SERPINI2: variants seen among roughly 807,000 people sequenced by gnomAD.
SERPINI2 encodes serpin I2.
In SERPINI2, 48 loss-of-function variants were observed where a neutral mutation model predicts 47.3. The ratio of observed to expected loss-of-function variants is 1.02; its 90% CI spans 0.81 to 1.29. SERPINI2 has a LOEUF of 1.29. SERPINI2 is among the 50% of genes most tolerant of loss of function. The pLI is 0.00. For synonymous variants in SERPINI2, 135 were observed against 149.3 expected (o/e 0.90, Z 0.70); for missense variants, 448 against 456.9 (o/e 0.98, Z 0.18).
At chr3:167,461,102 C>A (rs1478383916) in intron 5 of SERPINI2, among the ~76,000 whole-genome samples, 1 of 151,966 alleles carries the variant, frequency 6.6e-6, no homozygotes, top group Non-Finnish European at 1.5e-5. Flanking sequence ...TCAAGGGAAA[C>A]CATGGAGGAT....
At chr3:167,453,084 T>C in intron 5 of SERPINI2, 51 bp from the exon 6 acceptor site, 1 of 1,006,812 alleles carries the variant, frequency 9.9e-7, no homozygotes, top group Non-Finnish European at 1.5e-6. Context: ...CTGCACATTT[T>C]TGCTACCAAT....
chr3:167,453,744 C>T (rs929272252), intron 5 of SERPINI2, among the ~76,000 whole-genome samples: 8 of 151,584 alleles, frequency 5.3e-5, no homozygotes, highest in African/African-American at 1.9e-4. Flanking sequence ...GCTCACCTGT[C>T]TGTGCCTTAA....
chr3:167,451,598 C>T (rs990885648), intron 6 of SERPINI2, among the ~76,000 whole-genome samples: 1 of 152,168 alleles, frequency 6.6e-6, no homozygotes, highest in Non-Finnish European at 1.5e-5. Flanking sequence ...ACAGAAGATG[C>T]TGGACATTTA....
At chr3:167,472,620 GA>G (rs1176432585) in intron 1 of SERPINI2, among the ~76,000 whole-genome samples, 1 of 151,486 alleles carries the variant, frequency 6.6e-6, no homozygotes, top group Non-Finnish European at 1.5e-5. Flanking sequence ...AATTATAAAA[GA>G]AAAAATATAA....
chr3:167,463,963 A>G (rs138568324), intron 5 of SERPINI2, among the ~76,000 whole-genome samples: 3 of 151,780 alleles, frequency 2.0e-5, no homozygotes, highest in South Asian at 4.2e-4. Context: ...TTGCTCCAAC[A>G]AAATCAACAG....
chr3:167,450,469 A>G lies in SERPINI2; in HGVS notation c.965-1067T>C, dbSNP rs143879951. On this transcript the variant is annotated intron_variant, in intron 6 of 8. Transcript: ENST00000264677. ...CTTGCAAGACAAGATAGATCTGACA[A>G]TGTTCCTCAGAGGACAAAGGAAGCA... is the stretch of plus-strand genomic sequence containing the variant. Among the ~76,000 whole-genome samples, 4 of 152,332 alleles carry G rather than the reference A, an allele frequency of 2.6e-5. No homozygotes were observed. In the East Asian group the frequency reaches 7.7e-4, roughly 29 times the overall value.
chr3:167,468,434 A>G (rs1453700164), intron 2 of SERPINI2, among the ~76,000 whole-genome samples: 1 of 151,996 alleles, frequency 6.6e-6, no homozygotes. Flanking sequence ...GGGCAGCTCC[A>G]TGGCCTCTCA....
intron 8 of SERPINI2, among the ~76,000 whole-genome samples, chr3:167,443,687 T>A (rs949395538): frequency 6.6e-6 from 1 of 152,164 alleles, no homozygotes; most frequent in African/African-American, 2.4e-5. Flanking sequence ...CACTAAGTTA[T>A]AATTGAGGAC....
intron 2 of SERPINI2, among the ~76,000 whole-genome samples, chr3:167,468,727 C>T (rs1035426691): frequency 1.3e-5 from 2 of 152,090 alleles, no homozygotes; most frequent in Non-Finnish European, 2.9e-5. Context: ...CTTATTTGTA[C>T]AATGATTTCA....
upstream of SERPINI2, among the ~76,000 whole-genome samples, chr3:167,476,372 A>G (rs916635301): frequency 1.3e-5 from 2 of 151,930 alleles, no homozygotes; most frequent in African/African-American, 4.8e-5. Context: ...AAATTATTAG[A>G]AACAGTTACC....
chr3:167,452,807 CTA>C lies in SERPINI2; in HGVS notation c.964+127_964+128del, dbSNP rs1245598210. 2.1e-5 allele frequency: 11 copies of C among 517,250 alleles called. No homozygotes were observed. The East Asian group carries it at 3.5e-4, about 17-fold the overall frequency. The allele number at this position is 517,250 out of a possible 1,614,324, so 32.0% of individuals were successfully genotyped here. A position where few individuals can be genotyped will look rare whatever the true frequency, so the allele number is the denominator to read the frequency against. ...CTTGTTTACAGACAGCTCAACATGA[CTA>C]TGACATTTATTCACTGTGCGTATAT... On this transcript the variant is annotated intron_variant, in intron 6 of 8. Transcript: ENST00000264677.
Position 167,467,288 on chromosome 3 carries a change from A to G in SERPINI2, c.248-3T>C. 2 of 1,596,580 alleles carry G rather than the reference A, an allele frequency of 1.3e-6. No homozygotes were observed. The highest frequency in any genetic ancestry group is 2.2e-5 in the South Asian group (2 of 90,134). The stretch of plus-strand genomic sequence containing the variant: ...CTTCAGTACAAAAAATTCTTCCCCT[A>G]GAAAATAATTTTAATGTATATTGGC... On this transcript the variant is annotated splice_polypyrimidine_tract_variant and splice_region_variant and intron_variant, in intron 2 of 8. Transcript: ENST00000264677.
At chr3:167,475,213 C>T (rs1750450966), upstream of SERPINI2, among the ~76,000 whole-genome samples, 3 of 151,746 alleles carry the variant, frequency 2.0e-5, no homozygotes, top group Admixed American at 2.0e-4. Flanking sequence ...TAACTTAACA[C>T]AGAGATAATT....
At chr3:167,444,906 A>G (rs868518271) in intron 8 of SERPINI2, among the ~76,000 whole-genome samples, 2 of 152,300 alleles carry the variant, frequency 1.3e-5, no homozygotes, top group Middle Eastern at 6.8e-3. Flanking sequence ...AGAGTAAAAC[A>G]TAATTATTCT....
At chr3:167,449,279 G>A (rs768845238) in intron 7 of SERPINI2, 37 bp downstream of exon 7, 1 of 1,381,004 alleles carries the variant, frequency 7.2e-7, no homozygotes, top group Non-Finnish European at 1.0e-6. Flanking sequence ...CTCTCCCCAT[G>A]TTTCCTTCTA....
intron 4 of SERPINI2, 37 bp from the exon 5 acceptor site, chr3:167,465,435 C>T (rs765281075): frequency 1.2e-6 from 2 of 1,604,078 alleles, no homozygotes; most frequent in African/African-American, 2.7e-5. Context: ...ATATACTTGG[C>T]AATTCTCAAG....
At position 167,467,323 on chromosome 3, in the gene SERPINI2, A is replaced by T. The variant is rs145083078; in HGVS notation, c.248-38T>A. On this transcript the variant is annotated intron_variant, in intron 2 of 8. Coordinates refer to ENST00000264677, the Ensembl canonical transcript of SERPINI2. ...TTTAATGTATATTGGCATATTGAAC[A>T]ACATAAAAACAACAGCTTTTCAGCT... 1.0e-4 allele frequency: 147 copies of T among 1,430,736 alleles called. No homozygotes were observed. The East Asian group carries it at 3.3e-3, about 32-fold the overall frequency. 88.6% of individuals were successfully genotyped at this position (1,430,736 alleles called of 1,614,324 possible).
chr3:167,461,193 G>C lies in SERPINI2; in HGVS notation c.866+4013C>G, dbSNP rs939787634. ...AAGGAGTGGAGTCTGAGAATTCAGA[G>C]AAGACAATGTTTCTAGTTTGGTATT... is the stretch of plus-strand genomic sequence containing the variant. On this transcript the variant is annotated intron_variant, in intron 5 of 8. Coordinates refer to ENST00000264677, the Ensembl canonical transcript of SERPINI2. 9.9e-5 allele frequency among the ~76,000 whole-genome samples: 15 copies of C among 152,022 alleles called. 1 individual carries two copies. Among genetic ancestry groups the C allele is most frequent in the African/African-American group, 2.4e-4 (10 of 41,406 alleles).
chr3:167,444,037 C>T (rs1279463367), intron 8 of SERPINI2, among the ~76,000 whole-genome samples: 3 of 152,108 alleles, frequency 2.0e-5, no homozygotes, highest in Non-Finnish European at 4.4e-5. Flanking sequence ...AATAGCATTA[C>T]CAAGCTAATG....
Sources: allele counts gnomAD v4.1 joint callset (sites outside exome capture counted in the v4.1 genomes callset), GRCh38; gene constraint gnomAD v4.1.1; transcripts MANE v1.5; gene names NCBI Gene and HGNC (gene_info 2026-07-23, HGNC 2026-07-21).